HSD17B3: variants seen among roughly 807,000 people sequenced by gnomAD.
HSD17B3 encodes hydroxysteroid 17-beta dehydrogenase 3.
HSD17B3 carries 29 observed loss-of-function variants against 41.1 expected under a neutral mutation model. The ratio of observed to expected loss-of-function variants is 0.71; its 90% CI spans 0.53 to 0.96. The LOEUF (loss-of-function observed/expected upper bound fraction) is 0.96, where lower values mean the gene tolerates loss of function less well. Among genes scored for constraint, HSD17B3 ranks in the 40% least tolerant of loss-of-function variants. The pLI, the probability that HSD17B3 is intolerant of heterozygous loss-of-function variation, is 0.00. For synonymous variants in HSD17B3, 126 were observed against 145.6 expected, an observed-to-expected ratio of 0.87 and a Z score of 0.97; for missense variants, 323 against 374.6, an observed-to-expected ratio of 0.86 and a Z score of 1.14.
rs573550761 is a variant in HSD17B3, at chr9:96,261,066, A to G, written c.202-6123T>C. ...GGTAATGCTGTGGCAACAAGTTAAC[A>G]CTGAAATCTCAGCAGTTTAACACAA... On this transcript the variant is annotated intron_variant, in intron 2 of 10. Coordinates refer to ENST00000375263, the MANE Select transcript of HSD17B3 (RefSeq NM_000197.2). Among the ~76,000 whole-genome samples, 21 of 152,326 alleles carry G rather than the reference A, an allele frequency of 1.4e-4. No homozygotes were observed. The East Asian group carries it at 4.0e-3, about 29-fold the overall frequency.
intron 2 of HSD17B3, among the ~76,000 whole-genome samples, chr9:96,259,171 G>A (rs1209250157): frequency 6.6e-6 from 1 of 152,150 alleles, no homozygotes; most frequent in Admixed American, 6.5e-5. Context: ...AGGTGTCAAG[G>A]AGCCTGGCAA....
At chr9:96,249,932 G>A in intron 5 of HSD17B3, 146 bp from the exon 6 acceptor site, 2 of 1,545,688 alleles carry the variant, frequency 1.3e-6, no homozygotes, top group East Asian at 4.8e-5. Flanking sequence ...GCTCATAACT[G>A]CCTTCCAGCA....
chr9:96,298,969 G>A (rs1045209160), intron 1 of HSD17B3, among the ~76,000 whole-genome samples: 4 of 152,214 alleles, frequency 2.6e-5, no homozygotes, highest in African/African-American at 9.6e-5. Flanking sequence ...ATGGAAGGTA[G>A]GGAATTTAGC....
chr9:96,271,119 C>CA (rs1826230995), intron 2 of HSD17B3, among the ~76,000 whole-genome samples: 1 of 151,636 alleles, frequency 6.6e-6, no homozygotes, highest in Non-Finnish European at 1.5e-5. Context: ...AAATTATTTG[C>CA]AAAAAGAAAA....
intron 2 of HSD17B3, among the ~76,000 whole-genome samples, chr9:96,281,486 T>C (rs1485395851): frequency 1.3e-5 from 2 of 152,126 alleles, no homozygotes; most frequent in Non-Finnish European, 2.9e-5. Context: ...AGCCTTGGGT[T>C]AGAGTCCTAA....
At chr9:96,241,980 AG>A (rs1836464869) in intron 9 of HSD17B3, among the ~76,000 whole-genome samples, 1 of 149,250 alleles carries the variant, frequency 6.7e-6, no homozygotes, top group Non-Finnish European at 1.5e-5. Context: ...AAAGAAAGAA[AG>A]AAAGAAAGAA....
chr9:96,256,978 G>A (rs983691163), intron 2 of HSD17B3, among the ~76,000 whole-genome samples: 3 of 152,034 alleles, frequency 2.0e-5, no homozygotes, highest in Non-Finnish European at 4.4e-5. Flanking sequence ...AGTCATCTCC[G>A]GATCTGGTGG....
At chr9:96,296,331 T>C (rs771750821) in intron 2 of HSD17B3, among the ~76,000 whole-genome samples, 1 of 152,154 alleles carries the variant, frequency 6.6e-6, no homozygotes, top group Non-Finnish European at 1.5e-5. Context: ...AAGAAGACAA[T>C]TGTCTGCAAA....
At chr9:96,264,500 A>C (rs1246536067) in intron 2 of HSD17B3, among the ~76,000 whole-genome samples, 5 of 152,180 alleles carry the variant, frequency 3.3e-5, no homozygotes, top group African/African-American at 1.2e-4. Flanking sequence ...ACTCCAGGGT[A>C]GACCTGTTTT....
intron 9 of HSD17B3, among the ~76,000 whole-genome samples, chr9:96,242,110 G>A (rs1836482312): frequency 1.3e-5 from 2 of 151,238 alleles, no homozygotes; most frequent in Non-Finnish European, 2.9e-5. Context: ...TTTCATAATT[G>A]AACCCAATTA....
intron 10 of HSD17B3, among the ~76,000 whole-genome samples, chr9:96,238,122 G>T (rs1836299906): frequency 6.6e-6 from 1 of 152,126 alleles, no homozygotes; most frequent in Non-Finnish European, 1.5e-5. Flanking sequence ...GGGCAACATG[G>T]CTATGTCAAA....
intron 1 of HSD17B3, among the ~76,000 whole-genome samples, chr9:96,301,591 A>G (rs1049556920): frequency 6.6e-6 from 1 of 150,768 alleles, no homozygotes; most frequent in African/African-American, 2.4e-5. Flanking sequence ...TGTGCCTGTA[A>G]TCCCAGCTAC....
intron 2 of HSD17B3, among the ~76,000 whole-genome samples, chr9:96,286,048 A>T (rs1826905401): frequency 6.6e-6 from 1 of 152,212 alleles, no homozygotes; most frequent in South Asian, 2.1e-4. Context: ...GACCTTGCTG[A>T]TAAAACAGGT....
intron 6 of HSD17B3, among the ~76,000 whole-genome samples, chr9:96,247,004 G>A (rs909936005): frequency 3.3e-5 from 5 of 152,160 alleles, no homozygotes; most frequent in African/African-American, 4.8e-5. Context: ...ACAAGACTCT[G>A]TAGAGAGAAG....
intron 2 of HSD17B3, among the ~76,000 whole-genome samples, chr9:96,290,118 G>A (rs893505440): frequency 6.6e-6 from 1 of 152,096 alleles, no homozygotes; most frequent in Non-Finnish European, 1.5e-5. Flanking sequence ...TGGCTTCAGA[G>A]GTATGGAAGA....
chr9:96,298,188 A>G (rs1237468754), intron 2 of HSD17B3, among the ~76,000 whole-genome samples: 2 of 152,208 alleles, frequency 1.3e-5, no homozygotes, highest in African/African-American at 4.8e-5. Flanking sequence ...CAAATTCCCA[A>G]AACAATCCCT....
intron 10 of HSD17B3, among the ~76,000 whole-genome samples, chr9:96,239,118 A>G (rs1053916984): frequency 5.9e-5 from 9 of 152,206 alleles, no homozygotes; most frequent in Non-Finnish European, 5.9e-5. Flanking sequence ...CCAAGTCAAA[A>G]GGACAGAAAG....
intron 10 of HSD17B3, among the ~76,000 whole-genome samples, chr9:96,236,822 G>A (rs544048346): frequency 1.3e-5 from 2 of 152,198 alleles, no homozygotes; most frequent in South Asian, 2.1e-4. Flanking sequence ...GACCCCAGAA[G>A]CAATCATTTC....
intron 3 of HSD17B3, 35 bp downstream of exon 3, chr9:96,254,833 C>G (rs1450361867): frequency 6.3e-7 from 1 of 1,577,814 alleles, no homozygotes; most frequent in Admixed American, 1.7e-5. Context: ...TTGGAGGGCT[C>G]CACACACATC....
Sources: gnomAD v4.1 joint callset for allele counts (sites outside exome capture counted in the v4.1 genomes callset) on GRCh38, gnomAD v4.1.1 for gene constraint, MANE v1.5 for transcripts, NCBI Gene and HGNC (gene_info 2026-07-23, HGNC 2026-07-21) for gene names.